NXNL1: variants seen among roughly 807,000 people sequenced by gnomAD.
NXNL1 encodes the protein nucleoredoxin like 1.
Under a neutral mutation model 7.2 loss-of-function variants are expected in NXNL1, and 6 were observed. The observed-to-expected ratio is 0.83, with a 90% confidence interval of 0.46 to 1.64. The LOEUF is 1.64. Among genes scored for constraint, NXNL1 ranks in the 40% most tolerant of loss-of-function variants. The pLI is 0.01. For missense variants in NXNL1, 308 were observed against 285.1 expected, an observed-to-expected ratio of 1.08 and a Z score of -0.58; for synonymous variants, 133 against 127.2, an observed-to-expected ratio of 1.05 and a Z score of -0.31.
At chr19:17,458,220 CTTTT>C (rs756873224) in intron 1 of NXNL1, among the ~76,000 whole-genome samples, 2 of 122,174 alleles carry the variant, frequency 1.6e-5, no homozygotes, top group East Asian at 4.6e-4. Context: ...TTCTTTCTTT[CTTTT>C]TTTTTTTTTT....
At position 17,455,831 on chromosome 19, in the gene NXNL1, C is replaced by T; in HGVS notation, c.455G>A (p.Trp152Ter). The change falls in exon 2 of 2, where the codon TGG becomes TAG. Residue 152 changes from tryptophan (W) to a stop codon, truncating the protein, a stop_gained. Coordinates refer to ENST00000301944, the MANE Select transcript of NXNL1 (RefSeq NM_138454.2). LOFTEE classifies it low-confidence loss of function (END_TRUNC). ...GTCCAGCACCTCGGCCGCCTCCTGC[C>T]AGTTGGCGAAGCAGGCGGTGCCCAG... ...QRLGTACFAN[W>*]QEAAEVLDRN... The T allele has an allele frequency of 6.3e-7, 1 of 1,585,182 alleles. No individual in the cohort carries two copies. Among genetic ancestry groups the T allele is most frequent in the Non-Finnish European group, 8.5e-7 (1 of 1,171,712 alleles).
rs1168610841 is a variant in NXNL1, at chr19:17,455,856, G to A, written c.430C>T (p.Leu144=). Residue 144 remains leucine (L), a synonymous_variant, in exon 2 of 2, where the codon CTG becomes TTG. Transcript: ENST00000301944. The part of the protein sequence containing the change: ...TRDGADEIQR[L]GTACFANWQE... ...CAGTTGGCGAAGCAGGCGGTGCCCAGGCGCTGGATCTCGTCGGCGCCGTCG... is the reference window on the plus strand; with the variant it reads ...CAGTTGGCGAAGCAGGCGGTGCCCAAGCGCTGGATCTCGTCGGCGCCGTCG... 1 of 1,589,188 alleles carries A rather than the reference G, an allele frequency of 6.3e-7. No homozygotes were observed. The highest frequency in any genetic ancestry group is 8.5e-7 in the Non-Finnish European group (1 of 1,174,402).
rs542564616 is a variant in NXNL1 at position 17,456,270 on chromosome 19, T to C, written c.327-311A>G. 2.0e-4 allele frequency among the ~76,000 whole-genome samples: 31 copies of C among 151,368 alleles called. No individual in the cohort carries two copies. In the East Asian group the frequency reaches 6.0e-3, roughly 29 times the overall value. ...AGACCTCACATCGCAAGACACAAGG[T>C]CTTACTACATTTATTTGTAGTAAGA... is the stretch of plus-strand genomic sequence containing the variant. On this transcript the variant is annotated intron_variant, in intron 1 of 1. Coordinates refer to ENST00000301944, the MANE Select transcript of NXNL1 (RefSeq NM_138454.2).
intron 1 of NXNL1, among the ~76,000 whole-genome samples, 167 bp downstream of exon 1, chr19:17,460,377 G>A (rs1568403078): frequency 6.6e-6 from 1 of 152,090 alleles, no homozygotes; most frequent in Non-Finnish European, 1.5e-5. Context: ...GCTCCCTGGG[G>A]TGGCATGGAA....
Position 17,460,916 on chromosome 19 carries a change from G to T in NXNL1, c.-47C>A. ...GGGACAGCGCGGCGTGTGGTCCCCG[G>T]TCTGCTGACTGGCTCCTCTCCCAGA... is the stretch of plus-strand genomic sequence containing the variant. On this transcript the variant is annotated 5_prime_UTR_variant, in exon 1 of 2. Transcript: ENST00000301944. The T allele has an allele frequency of 6.4e-7, 1 of 1,572,948 alleles. No individual in the cohort carries two copies. The highest frequency in any genetic ancestry group is 2.2e-5 in the East Asian group (1 of 44,652).
At chr19:17,456,969 GA>G in intron 1 of NXNL1, among the ~76,000 whole-genome samples, 1 of 152,056 alleles carries the variant, frequency 6.6e-6, no homozygotes, top group East Asian at 1.9e-4. Context: ...AGAATGGCGT[GA>G]ACCCGGAAGG....
At chr19:17,456,082 T>C in intron 1 of NXNL1, 123 bp from the exon 2 acceptor site, 1 of 1,485,868 alleles carries the variant, frequency 6.7e-7, no homozygotes, top group Non-Finnish European at 8.9e-7. Flanking sequence ...TGCCGGGCAC[T>C]GGGTAGGTGC....
At chr19:17,457,254 A>G (rs927106758) in intron 1 of NXNL1, among the ~76,000 whole-genome samples, 6 of 152,112 alleles carry the variant, frequency 3.9e-5, no homozygotes, top group Non-Finnish European at 8.8e-5. Context: ...ATATAAATAC[A>G]CTAGTTAAAT....
chr19:17,458,002 A>G (rs193005019), intron 1 of NXNL1, among the ~76,000 whole-genome samples: 23 of 152,274 alleles, frequency 1.5e-4, no homozygotes, highest in Admixed American at 1.4e-3. Flanking sequence ...CTCACTTTCA[A>G]ATAATTTAGC....
At chr19:17,459,878 G>A (rs1216876380) in intron 1 of NXNL1, among the ~76,000 whole-genome samples, 1 of 152,048 alleles carries the variant, frequency 6.6e-6, no homozygotes, top group Non-Finnish European at 1.5e-5. Context: ...GCCCAGCTAG[G>A]GGTCTCTCTT....
intron 1 of NXNL1, among the ~76,000 whole-genome samples, chr19:17,456,683 A>G (rs1599625720): frequency 1.3e-5 from 2 of 151,850 alleles, no homozygotes; most frequent in Non-Finnish European, 2.9e-5. Context: ...GGAGTTCGAG[A>G]CCAGCCTAGC....
intron 1 of NXNL1, among the ~76,000 whole-genome samples, chr19:17,458,141 C>T (rs962234187): frequency 6.6e-6 from 1 of 151,550 alleles, no homozygotes; most frequent in Non-Finnish European, 1.5e-5. Flanking sequence ...TTAACAATTG[C>T]GATGGGTTTC....
chr19:17,455,620 C>T lies in NXNL1; in HGVS notation c.*27G>A, dbSNP rs1427709452. 41 of 1,328,772 alleles carry T rather than the reference C, an allele frequency of 3.1e-5. No homozygotes were observed. Among genetic ancestry groups the T allele is most frequent in the East Asian group, 2.0e-4 (8 of 39,754 alleles). The allele number at this position is 1,328,772 out of a possible 1,614,324, so 82.3% of individuals were successfully genotyped here. On this transcript the variant is annotated 3_prime_UTR_variant, in exon 2 of 2. Coordinates refer to ENST00000301944, the MANE Select transcript of NXNL1 (RefSeq NM_138454.2). Reference sequence around the variant, plus strand: ...TGGGGGTGGAGGTTCATCAACAAACCCCACTCCTCTCCTCCACCCTAGCGG... The same window carrying T: ...TGGGGGTGGAGGTTCATCAACAAACTCCACTCCTCTCCTCCACCCTAGCGG...
chr19:17,455,846 G>T lies in NXNL1; in HGVS notation c.440C>A (p.Ala147Asp). Reference protein sequence around the residue: ...GADEIQRLGTACFANWQEAAE... With the variant: ...GADEIQRLGTDCFANWQEAAE... The stretch of plus-strand genomic sequence containing the variant: ...CGCCTCCTGCCAGTTGGCGAAGCAG[G>T]CGGTGCCCAGGCGCTGGATCTCGTC... The change falls in exon 2 of 2, where the codon GCC becomes GAC. Residue 147 changes from alanine (A) to aspartate (D), a missense_variant. Transcript: ENST00000301944. 6.3e-7 allele frequency: 1 copy of T among 1,588,336 alleles called. No individual in the cohort carries two copies.
At chr19:17,457,364 AT>A (rs1013553171) in intron 1 of NXNL1, among the ~76,000 whole-genome samples, 13 of 151,450 alleles carry the variant, frequency 8.6e-5, no homozygotes, top group African/African-American at 1.7e-4. Flanking sequence ...GTTTATCTCA[AT>A]TTTTTTTTCT....
intron 1 of NXNL1, 80 bp downstream of exon 1, chr19:17,460,464 A>AT (rs1411753028): frequency 1.4e-6 from 2 of 1,463,920 alleles, no homozygotes; most frequent in African/African-American, 2.8e-5. Context: ...GGGGCTGCTC[A>AT]TTCACTCTAG....
rs573901829 is a variant in NXNL1 at position 17,459,660 on chromosome 19, T to C, written c.326+884A>G. 9.1e-4 allele frequency among the ~76,000 whole-genome samples: 139 copies of C among 152,204 alleles called. 2 individuals carry two copies. Among genetic ancestry groups the C allele is most frequent in the Admixed American group, 9.1e-3 (139 of 15,264 alleles). ...CTCGAACTCCTGACCTCAGGTGATCTGCTCACCTTGGCCTCCCAAAGTGCT... is the reference window on the plus strand; with the variant it reads ...CTCGAACTCCTGACCTCAGGTGATCCGCTCACCTTGGCCTCCCAAAGTGCT... On this transcript the variant is annotated intron_variant, in intron 1 of 1. Transcript: ENST00000301944.
In NXNL1 at chr19:17,455,598, G is replaced by GGGTGGA. The variant is rs1250828106; in HGVS notation, c.*43_*48dup. On this transcript the variant is annotated 3_prime_UTR_variant, in exon 2 of 2. Transcript: ENST00000301944. ...TTACAGGCGTGCGGGGGTGGGGTGG[G>GGGTGGA]GGTGGAGGTTCATCAACAAACCCCA... 22 of 1,140,636 alleles carry GGGTGGA rather than the reference G, an allele frequency of 1.9e-5. No individual in the cohort carries two copies. The highest frequency in any genetic ancestry group is 2.7e-5 in the Non-Finnish European group (22 of 805,840). The allele number at this position is 1,140,636 out of a possible 1,614,324, so 70.7% of individuals were successfully genotyped here.
At position 17,460,695 on chromosome 19, in the gene NXNL1, C is replaced by G. The variant is rs755277336; in HGVS notation, c.175G>C (p.Val59Leu). 6.2e-7 allele frequency: 1 copy of G among 1,613,802 alleles called. No homozygotes were observed. Among genetic ancestry groups the G allele is most frequent in the East Asian group, 2.2e-5 (1 of 44,870 alleles). ...ACATAGAACTCATCTGTGAGCCGCA[C>G]GAAGAAGTCCTTGAGGATGGGCACG... ...AFVPILKDFF[V>L]RLTDEFYVLR... Residue 59 changes from valine (V) to leucine (L), a missense_variant, in exon 1 of 2, where the codon GTG becomes CTG. By Grantham distance (32) the Val-to-Leu change is conservative (BLOSUM62 1). Transcript: ENST00000301944.
Sources: gnomAD v4.1 joint callset for allele counts (sites outside exome capture counted in the v4.1 genomes callset) on GRCh38, gnomAD v4.1.1 for gene constraint, MANE v1.5 for transcripts, NCBI Gene and HGNC (gene_info 2026-07-23, HGNC 2026-07-21) for gene names.